SLC16A2: variants seen among roughly 807,000 people sequenced by gnomAD.
SLC16A2 encodes the protein monocarboxylate transporter 8.
SLC16A2 carries 3 observed loss-of-function variants against 27.2 expected under a neutral mutation model. The ratio of observed to expected loss-of-function variants is 0.11; its 90% CI spans 0.05 to 0.28. The LOEUF (loss-of-function observed/expected upper bound fraction) is 0.28. SLC16A2 is among the 10% of genes least tolerant of loss of function. SLC16A2 has a pLI of 1.00. For missense variants in SLC16A2, 295 were observed against 458.5 expected (o/e 0.64, Z 3.26); for synonymous variants, 202 against 187.8 (o/e 1.08, Z -0.62).
At chrX:74,507,926 G>A (rs1209874558) in intron 1 of SLC16A2, among the ~76,000 whole-genome samples, 2 of 111,682 alleles carry the variant, frequency 1.8e-5, no homozygotes, top group Non-Finnish European at 3.8e-5. Flanking sequence ...TCAATATCTT[G>A]GCCGTTGTGA....
rs375936770 is a variant in SLC16A2, at chrX:74,421,886, A to G, written c.249A>G (p.Val83=). The G allele has an allele frequency of 5.8e-6, 7 of 1,208,613 alleles. No individual in the cohort carries two copies. The highest frequency in any genetic ancestry group is 6.7e-6 in the Non-Finnish European group (6 of 894,425). ...ACGAACCCGAGCCCACGCCTACGGT[A>G]GAGACCCGCGGCACCGCGCGCGGCT... ...RVHEPEPTPT[V]ETRGTARGFQ... The change falls in exon 1 of 6, where the codon GTA becomes GTG. Residue 83 remains valine, a synonymous_variant. Coordinates refer to ENST00000587091, the MANE Select transcript of SLC16A2 (RefSeq NM_006517.5).
intron 1 of SLC16A2, chrX:74,477,007 A>T (rs1395762895): frequency 6.2e-5 from 7 of 112,108 alleles, no homozygotes; most frequent in African/African-American, 2.3e-4. Context: ...TGAGTTCGGG[A>T]GGATTCCCTC....
rs1475661812 is a variant in SLC16A2, at chrX:74,516,259, C to T, written c.431-4731C>T. Among the ~76,000 whole-genome samples the T allele has an allele frequency of 2.7e-5, 3 of 111,334 alleles. No individual in the cohort carries two copies. In the Admixed American group the frequency reaches 2.9e-4, roughly 11 times the overall value. Reference sequence around the variant, plus strand: ...GTAGAGATGGAGTTTTGCCACATTACACATGCTGGTCTCAAACTCCTAGAC... The same window carrying T: ...GTAGAGATGGAGTTTTGCCACATTATACATGCTGGTCTCAAACTCCTAGAC... On this transcript the variant is annotated intron_variant, in intron 1 of 5. Transcript: ENST00000587091.
intron 1 of SLC16A2, among the ~76,000 whole-genome samples, chrX:74,422,666 G>C (rs1354390888): frequency 8.9e-6 from 1 of 112,136 alleles, no homozygotes; most frequent in Non-Finnish European, 1.9e-5. Context: ...AGTTCGAGTC[G>C]GGGTGTGAGT....
At chrX:74,486,019 G>C (rs1281732896) in intron 1 of SLC16A2, among the ~76,000 whole-genome samples, 1 of 111,787 alleles carries the variant, frequency 8.9e-6, no homozygotes, top group Non-Finnish European at 1.9e-5. Context: ...GGACCCAAAG[G>C]GGGTTGCCCA....
chrX:74,422,897 C>G (rs1928336112), intron 1 of SLC16A2, among the ~76,000 whole-genome samples: 1 of 112,906 alleles, frequency 8.9e-6, no homozygotes, highest in Non-Finnish European at 1.9e-5. Flanking sequence ...CCCGGCAACC[C>G]GCGCCTCTCT....
chrX:74,502,969 G>C (rs1457514197), intron 1 of SLC16A2, among the ~76,000 whole-genome samples: 1 of 109,694 alleles, frequency 9.1e-6, no homozygotes, highest in Non-Finnish European at 1.9e-5. Flanking sequence ...TTACTCCATA[G>C]CTACTACAAC....
intron 1 of SLC16A2, among the ~76,000 whole-genome samples, chrX:74,450,979 C>T (rs1928928417): frequency 8.9e-6 from 1 of 112,051 alleles, no homozygotes; most frequent in Non-Finnish European, 1.9e-5. Context: ...GGCAGAAAAC[C>T]AGAAAAGGTA....
chrX:74,423,367 C>T lies in SLC16A2; in HGVS notation c.430+1300C>T, dbSNP rs1471305199. On this transcript the variant is annotated intron_variant, in intron 1 of 5. Coordinates refer to ENST00000587091, the MANE Select transcript of SLC16A2 (RefSeq NM_006517.5). ...TATTTCTACTGCCATTTGAGGGGAC[C>T]TGGGAATTATTAAGTGAACATAGAA... Among the ~76,000 whole-genome samples, 5 of 112,063 alleles carry T rather than the reference C, an allele frequency of 4.5e-5. No individual in the cohort carries two copies. In the Admixed American group the frequency reaches 4.7e-4, roughly 11 times the overall value.
At chrX:74,463,258 T>C (rs767045744) in intron 1 of SLC16A2, among the ~76,000 whole-genome samples, 14 of 111,892 alleles carry the variant, frequency 1.3e-4, no homozygotes, top group Non-Finnish European at 2.6e-4. Flanking sequence ...AAAATTGCAA[T>C]TGGAAAGGAA....
At chrX:74,425,110 C>T (rs1162992342) in intron 1 of SLC16A2, among the ~76,000 whole-genome samples, 9 of 111,877 alleles carry the variant, frequency 8.0e-5, no homozygotes, top group Non-Finnish European at 1.5e-4. Context: ...TCCAGCAGTC[C>T]TACTGCCTCA....
intron 1 of SLC16A2, among the ~76,000 whole-genome samples, chrX:74,458,982 GTGT>G (rs1259089885): frequency 1.8e-5 from 2 of 108,714 alleles, no homozygotes; most frequent in Non-Finnish European, 3.8e-5. Flanking sequence ...TCCTGGATTG[GTGT>G]TGTGTGGGCT....
intron 1 of SLC16A2, among the ~76,000 whole-genome samples, chrX:74,519,093 T>A (rs1257277375): frequency 8.9e-6 from 1 of 111,939 alleles, no homozygotes; most frequent in African/African-American, 3.2e-5. Context: ...TTACATTAAG[T>A]CTATGATCCA....
At chrX:74,436,407 CCT>C (rs1287219457) in intron 1 of SLC16A2, among the ~76,000 whole-genome samples, 4 of 111,530 alleles carry the variant, frequency 3.6e-5, no homozygotes, top group African/African-American at 9.8e-5. Flanking sequence ...TGAAAGTCCC[CCT>C]TTCATGGAGC....
At chrX:74,517,815 C>T (rs982347861) in intron 1 of SLC16A2, among the ~76,000 whole-genome samples, 3 of 111,817 alleles carry the variant, frequency 2.7e-5, no homozygotes, top group Non-Finnish European at 3.8e-5. Flanking sequence ...CTCATCCCTC[C>T]TCCTGCCACC....
chrX:74,529,802 A>C (rs1241572992), intron 5 of SLC16A2, among the ~76,000 whole-genome samples: 1 of 107,132 alleles, frequency 9.3e-6, no homozygotes, highest in Non-Finnish European at 1.9e-5. Context: ...TTTGCAAGGT[A>C]GTTGGGTAGG....
intron 1 of SLC16A2, among the ~76,000 whole-genome samples, chrX:74,486,189 G>A (rs1434858560): frequency 4.5e-5 from 5 of 111,721 alleles, no homozygotes; most frequent in Admixed American, 1.9e-4. Flanking sequence ...TGTGAACTGC[G>A]TTCCAAGCCC....
At chrX:74,477,489 G>T (rs1386349400) in intron 1 of SLC16A2, among the ~76,000 whole-genome samples, 1 of 111,200 alleles carries the variant, frequency 9.0e-6, no homozygotes, top group Non-Finnish European at 1.9e-5. Context: ...CTTCAGTTCT[G>T]CTCTGATCTT....
At chrX:74,520,848 T>C in intron 1 of SLC16A2, 142 bp from the exon 2 acceptor site, 1 of 634,793 alleles carries the variant, frequency 1.6e-6, no homozygotes, top group East Asian at 3.3e-5. Context: ...CAAAACTCTC[T>C]GAACATCAGG....
Sources: gnomAD v4.1 joint callset for allele counts (sites outside exome capture counted in the v4.1 genomes callset) on GRCh38, gnomAD v4.1.1 for gene constraint, MANE v1.5 for transcripts, NCBI Gene and HGNC (gene_info 2026-07-23, HGNC 2026-07-21) for gene names.